PCDHA1: variants seen among roughly 807,000 people sequenced by gnomAD.
PCDHA1 encodes protocadherin alpha-1.
Under a neutral mutation model 61.3 loss-of-function variants are expected in PCDHA1, and 42 were observed. The ratio of observed to expected loss-of-function variants is 0.69; its 90% CI spans 0.54 to 0.89. The LOEUF (loss-of-function observed/expected upper bound fraction) is 0.89. Ranked by LOEUF, PCDHA1 falls within the 40% of genes least tolerant of loss-of-function variation. The pLI, the probability that PCDHA1 is intolerant of heterozygous loss-of-function variation, is 0.00. For synonymous variants in PCDHA1, 610 were observed against 553.8 expected (o/e 1.10, Z -1.43); for missense variants, 1,256 against 1,235.3 (o/e 1.02, Z -0.25).
intron 1 of PCDHA1, chr5:140,854,737 A>T (rs2043210768): frequency 6.7e-6 from 1 of 149,840 alleles, no homozygotes. Flanking sequence ...TTTTTTCAGC[A>T]GCACAGATAT....
intron 1 of PCDHA1, among the ~76,000 whole-genome samples, chr5:140,977,234 A>G (rs2096751203): frequency 1.3e-5 from 2 of 152,242 alleles, no homozygotes; most frequent in Non-Finnish European, 2.9e-5. Flanking sequence ...CCAATCATAG[A>G]AAAATTGGCA....
intron 1 of PCDHA1, among the ~76,000 whole-genome samples, chr5:140,878,707 A>C (rs1450914173): frequency 2.0e-5 from 3 of 152,232 alleles, no homozygotes; most frequent in Non-Finnish European, 4.4e-5. Context: ...GCCTGGTAGT[A>C]AAGGCATTAA....
intron 1 of PCDHA1, chr5:140,864,182 TA>T: frequency 6.6e-6 from 1 of 152,352 alleles, no homozygotes; most frequent in East Asian, 1.9e-4. Context: ...TCATGATGAA[TA>T]ATGATCCTTA....
intron 1 of PCDHA1, chr5:140,881,923 AGTGATT>A (rs2058875658): frequency 3.8e-6 from 1 of 262,834 alleles, no homozygotes; most frequent in African/African-American, 2.2e-5. Flanking sequence ...AGCAGAATGC[AGTGATT>A]TGCTGTTTCT....
In PCDHA1 at chr5:140,807,616, G is replaced by C. The variant is rs113425597; in HGVS notation, c.2394+18932G>C. On this transcript the variant is annotated intron_variant, in intron 1 of 3. Coordinates refer to ENST00000504120, the MANE Select transcript of PCDHA1 (RefSeq NM_018900.4). ...CAACACAAAAGAACCTGTCCATCGC[G>C]GAATCCAGGCCGCTTGACTCTCGGT... 3.0e-3 allele frequency: 4,880 copies of C among 1,614,130 alleles called. 118 individuals carry two copies. The African/African-American group carries it at 0.055, about 18-fold the overall frequency.
At chr5:140,884,569 G>A (rs144735555) in intron 1 of PCDHA1, 2 of 1,614,008 alleles carry the variant, frequency 1.2e-6, no homozygotes, top group East Asian at 2.2e-5. Context: ...CGCATAAGAC[G>A]GACCTCATGG....
intron 1 of PCDHA1, among the ~76,000 whole-genome samples, chr5:140,904,555 C>A (rs1345633704): frequency 6.6e-6 from 1 of 151,632 alleles, no homozygotes. Flanking sequence ...CATATAATGA[C>A]TTTTTTTTCC....
chr5:140,895,281 A>C (rs2064944456), intron 1 of PCDHA1, among the ~76,000 whole-genome samples: 1 of 152,118 alleles, frequency 6.6e-6, no homozygotes, highest in South Asian at 2.1e-4. Context: ...GGATAATTGA[A>C]TTAGGACCTT....
intron 1 of PCDHA1, among the ~76,000 whole-genome samples, chr5:140,838,935 TAATAAAATAA>T (rs1186571610): frequency 2.0e-5 from 3 of 151,738 alleles, no homozygotes; most frequent in African/African-American, 7.3e-5. Flanking sequence ...TAAAATGAAA[TAATAAAATAA>T]AATAAAATAA....
At chr5:140,884,071 G>C (rs1425122045) in intron 1 of PCDHA1, 7 of 1,613,400 alleles carry the variant, frequency 4.3e-6, no homozygotes, top group African/African-American at 2.7e-5. Context: ...ACGCCGATTC[G>C]GGCTACAATG....
chr5:140,856,174 C>T, intron 1 of PCDHA1: 1 of 1,598,296 alleles, frequency 6.3e-7, no homozygotes, highest in Non-Finnish European at 8.6e-7. Flanking sequence ...GACACGGCAC[C>T]TTCGTGGGCC....
intron 1 of PCDHA1, among the ~76,000 whole-genome samples, chr5:140,921,179 G>A (rs1346400425): frequency 1.3e-5 from 2 of 151,662 alleles, no homozygotes; most frequent in Non-Finnish European, 2.9e-5. Context: ...ATAAAGCACA[G>A]TTTTTTCACA....
chr5:140,971,580 T>C (rs1028418438), intron 1 of PCDHA1, among the ~76,000 whole-genome samples: 9 of 152,154 alleles, frequency 5.9e-5, no homozygotes, highest in African/African-American at 2.2e-4. Context: ...TTTCTTTTTT[T>C]CCTACCTAGT....
chr5:140,858,120 T>A, intron 1 of PCDHA1: 1 of 1,597,738 alleles, frequency 6.3e-7, no homozygotes, highest in Non-Finnish European at 8.6e-7. Context: ...GAGGTGGCCC[T>A]GGTGGATGTC....
chr5:141,006,504 C>T (rs911793343), intron 3 of PCDHA1, among the ~76,000 whole-genome samples: 4 of 152,022 alleles, frequency 2.6e-5, no homozygotes, highest in East Asian at 1.9e-4. Flanking sequence ...TGAGCCACCG[C>T]GCCTGGCTGT....
At chr5:140,920,930 T>C (rs1286502333) in intron 1 of PCDHA1, among the ~76,000 whole-genome samples, 1 of 151,962 alleles carries the variant, frequency 6.6e-6, no homozygotes, top group Non-Finnish European at 1.5e-5. Flanking sequence ...GTAGGTGATC[T>C]AGCCCTTTCA....
intron 1 of PCDHA1, chr5:140,803,445 T>A (rs1554122826): frequency 1.2e-6 from 2 of 1,613,976 alleles, no homozygotes; most frequent in Admixed American, 3.3e-5. Flanking sequence ...GAGCTGGTCA[T>A]ACTCGCAGCA....
intron 1 of PCDHA1, chr5:140,848,281 T>C: frequency 1.7e-6 from 1 of 600,408 alleles, no homozygotes; most frequent in Non-Finnish European, 2.9e-6. Context: ...AATATGTACT[T>C]ACACTTTGGG....
At chr5:140,841,759 A>T in intron 1 of PCDHA1, 1 of 1,613,894 alleles carries the variant, frequency 6.2e-7, no homozygotes, top group South Asian at 1.1e-5. Flanking sequence ...CAGAATCCAG[A>T]ATGCCAGACT....
Sources: allele counts gnomAD v4.1 joint callset (sites outside exome capture counted in the v4.1 genomes callset), GRCh38; gene constraint gnomAD v4.1.1; transcripts MANE v1.5; gene names NCBI Gene and HGNC (gene_info 2026-07-23, HGNC 2026-07-21).